JHY: variants seen among roughly 807,000 people sequenced by gnomAD.
JHY encodes the protein jhy protein homolog.
In JHY, 69 loss-of-function variants were observed where a neutral mutation model predicts 78.0. That is an observed-to-expected ratio of 0.88 (90% CI 0.73 to 1.08). The LOEUF (loss-of-function observed/expected upper bound fraction) is 1.08. Among genes scored for constraint, JHY ranks in the 50% least tolerant of loss-of-function variants. The probability of loss-of-function intolerance (pLI) is 0.00; values close to 1 mark genes in which losing one functional copy is unlikely to be tolerated. For synonymous variants in JHY, 368 were observed against 342.6 expected (o/e 1.07, Z -0.82); for missense variants, 944 against 927.8 (o/e 1.02, Z -0.23).
At chr11:122,952,466 G>A (rs760838538) in intron 6 of JHY, among the ~76,000 whole-genome samples, 5 of 152,210 alleles carry the variant, frequency 3.3e-5, no homozygotes, top group South Asian at 2.1e-4. Flanking sequence ...AGCCATCACC[G>A]TCCCTTGAGA....
chr11:122,908,167 C>T (rs1863034908), intron 3 of JHY, among the ~76,000 whole-genome samples: 1 of 152,148 alleles, frequency 6.6e-6, no homozygotes, highest in Non-Finnish European at 1.5e-5. Flanking sequence ...GATTGAGAAT[C>T]ACCGATCTAG....
rs1864258348 is a variant in JHY, at chr11:122,959,323, A to T, written c.2215A>T (p.Asn739Tyr). Residue 739 changes from asparagine to tyrosine, a missense_variant, in exon 9 of 9, where the codon AAT (asparagine) becomes TAT (tyrosine). Asn to Tyr is a moderately radical substitution (Grantham distance 143). Transcript: ENST00000227349. ...TCATCAAGCATCAAAGGAACAAAAA[A>T]ATCCAACCTATGCTGGGAAAGAAGA... ...LTHQASKEQK[N>Y]PTYAGKEESL... 9 of 1,614,218 alleles carry T rather than the reference A, an allele frequency of 5.6e-6. No homozygotes were observed. The highest frequency in any genetic ancestry group is 7.6e-6 in the Non-Finnish European group (9 of 1,180,032).
At chr11:122,900,522 TTTTTTTTTTTTTGG>T (rs1862830165) in intron 2 of JHY, among the ~76,000 whole-genome samples, 1 of 148,904 alleles carries the variant, frequency 6.7e-6, no homozygotes, top group Admixed American at 6.7e-5. Flanking sequence ...TTTTTTTTTT[TTTTTTTTTTTTTGG>T]TTAAGACTGG....
In JHY at chr11:122,935,353, G is replaced by C. The variant is rs1256757942; in HGVS notation, c.1634+278G>C. Reference sequence around the variant, plus strand: ...GAGCTCAAGCAATTCTCCTGGCCCAGCCTCCCAAGTAGCAGGGATTACAAG... The same window carrying C: ...GAGCTCAAGCAATTCTCCTGGCCCACCCTCCCAAGTAGCAGGGATTACAAG... On this transcript the variant is annotated intron_variant, in intron 5 of 8. Transcript: ENST00000227349. This position sits in a 1 kb window ranked among gnomAD's most constrained non-coding sequence, Gnocchi z 4.5. Among the ~76,000 whole-genome samples, 15 of 151,918 alleles carry C rather than the reference G, an allele frequency of 9.9e-5. No homozygotes were observed. Among genetic ancestry groups the C allele is most frequent in the Admixed American group, 9.8e-4 (15 of 15,252 alleles).
Position 122,904,247 on chromosome 11 carries a change from A to T in JHY, c.667A>T (p.Ser223Cys). ...LSDSDLEEKS[S>C]SLSPYVKSSS... ...CGACAGTGACCTGGAGGAGAAGTCG[A>T]GCAGCCTTTCTCCGTACGTGAAGAG... Residue 223 changes from serine (S) to cysteine (C), a missense_variant, in exon 3 of 9, where the codon AGC becomes TGC. Ser to Cys is a moderately radical substitution (Grantham distance 112). Coordinates refer to ENST00000227349, the MANE Select transcript of JHY (RefSeq NM_024806.4). 4 of 1,614,202 alleles carry T rather than the reference A, an allele frequency of 2.5e-6. No homozygotes were observed. Among genetic ancestry groups the T allele is most frequent in the Non-Finnish European group, 3.4e-6 (4 of 1,180,022 alleles).
At chr11:122,954,914 C>T (rs1864159214) in intron 6 of JHY, among the ~76,000 whole-genome samples, 1 of 152,210 alleles carries the variant, frequency 6.6e-6, no homozygotes, top group South Asian at 2.1e-4. Context: ...TACACAACAG[C>T]TGCTTCTTCA....
intron 3 of JHY, among the ~76,000 whole-genome samples, chr11:122,915,312 A>G (rs543678191): frequency 3.9e-5 from 6 of 152,140 alleles, no homozygotes; most frequent in Non-Finnish European, 7.4e-5. Context: ...TCTGCTCTTA[A>G]GGAGCTTATG....
At chr11:122,956,447 G>A (rs762731006) in intron 6 of JHY, 49 bp from the exon 7 acceptor site, 2 of 1,553,042 alleles carry the variant, frequency 1.3e-6, no homozygotes, top group African/African-American at 1.4e-5. Flanking sequence ...TAGGAGTCGG[G>A]GGACACACAA....
chr11:122,934,614 G>A lies in JHY; in HGVS notation c.1173G>A (p.Gln391=), dbSNP rs1348909677. 6.2e-7 allele frequency: 1 copy of A among 1,614,068 alleles called. No individual in the cohort carries two copies. Among genetic ancestry groups the A allele is most frequent in the Admixed American group, 1.7e-5 (1 of 60,014 alleles). ...TEEVTASQGN[Q]NNPPRQQQNQ... is the part of the protein sequence containing the mutation. The stretch of plus-strand genomic sequence containing the variant: ...AGGTGACTGCCAGTCAGGGGAACCA[G>A]AATAACCCTCCCAGGCAGCAACAAA... The change falls in exon 5 of 9, where the codon CAG becomes CAA. Residue 391 remains glutamine (Q), a synonymous_variant. Coordinates refer to ENST00000227349, the MANE Select transcript of JHY (RefSeq NM_024806.4).
At chr11:122,945,896 T>G (rs918424719) in intron 5 of JHY, among the ~76,000 whole-genome samples, 1 of 152,112 alleles carries the variant, frequency 6.6e-6, no homozygotes. Flanking sequence ...TCATGGCTGG[T>G]GAATGGGTTT....
Position 122,911,722 on chromosome 11 carries a change from A to T in JHY, c.864+7278A>T, listed in dbSNP as rs1420190606. Among the ~76,000 whole-genome samples the T allele has an allele frequency of 2.0e-5, 3 of 151,810 alleles. No homozygotes were observed. In the East Asian group the frequency reaches 5.8e-4, roughly 29 times the overall value. On this transcript the variant is annotated intron_variant, in intron 3 of 8. Transcript: ENST00000227349. ...GAAGTTCGAGACCAGCCTGACCAAC[A>T]TGGAGAAACCCCATCTCTACTAAAA...
At chr11:122,914,278 C>T (rs1445464269) in intron 3 of JHY, among the ~76,000 whole-genome samples, 1 of 152,064 alleles carries the variant, frequency 6.6e-6, no homozygotes, top group Non-Finnish European at 1.5e-5. Context: ...TGCTCTTTTT[C>T]ATAGTTTTAA....
At chr11:122,945,793 C>T (rs951548136) in intron 5 of JHY, among the ~76,000 whole-genome samples, 4 of 152,094 alleles carry the variant, frequency 2.6e-5, no homozygotes, top group African/African-American at 7.2e-5. Context: ...TTCACAAGAG[C>T]TTGTTGTTGT....
intron 6 of JHY, among the ~76,000 whole-genome samples, chr11:122,955,062 A>T (rs1395228405): frequency 6.6e-6 from 1 of 152,244 alleles, no homozygotes; most frequent in African/African-American, 2.4e-5. Context: ...ACTGAAATTT[A>T]AAAAGGATGT....
chr11:122,885,632 A>G, intron 1 of JHY, 129 bp from the exon 2 acceptor site: 1 of 518,828 alleles, frequency 1.9e-6, no homozygotes, highest in Non-Finnish European at 3.4e-6. Context: ...TCTTATACAC[A>G]CAAAAGGGTG....
intron 3 of JHY, chr11:122,905,531 T>A: frequency 9.1e-7 from 1 of 1,102,366 alleles, no homozygotes; most frequent in Non-Finnish European, 1.1e-6. Context: ...ATGAGGTGGA[T>A]GAACATTTGT....
rs1321981983 is a variant in JHY, at chr11:122,962,115, T to G, written c.*2670T>G. On this transcript the variant is annotated 3_prime_UTR_variant, in exon 9 of 9. Transcript: ENST00000227349. ...AAATGTTAATAAATATTTTTTAGTT[T>G]TTAAATCTTTTTTAATATTGCAAGA... Among the ~76,000 whole-genome samples, 3 of 152,260 alleles carry G rather than the reference T, an allele frequency of 2.0e-5. No individual in the cohort carries two copies. The highest frequency in any genetic ancestry group is 1.3e-4 in the Admixed American group (2 of 15,288).
intron 5 of JHY, among the ~76,000 whole-genome samples, chr11:122,936,517 G>A (rs1863760290): frequency 6.6e-6 from 1 of 151,816 alleles, no homozygotes; most frequent in South Asian, 2.1e-4. Context: ...ATAGATGATA[G>A]ATGGGAAATT....
At chr11:122,909,164 A>G (rs1014696367) in intron 3 of JHY, among the ~76,000 whole-genome samples, 1 of 152,244 alleles carries the variant, frequency 6.6e-6, no homozygotes, top group African/African-American at 2.4e-5. Context: ...AATTAATACT[A>G]TAACGGGATT....
Sources: gnomAD v4.1 joint callset for allele counts (sites outside exome capture counted in the v4.1 genomes callset) on GRCh38, gnomAD v4.1.1 for gene constraint, Gnocchi (gnomAD v3.1) non-coding constraint, MANE v1.5 for transcripts, NCBI Gene and HGNC (gene_info 2026-07-23, HGNC 2026-07-21) for gene names.